VTCN1: variants seen among roughly 807,000 people sequenced by gnomAD.
The protein encoded by VTCN1 is V-set domain containing T cell activation inhibitor 1.
In VTCN1, 26 loss-of-function variants were observed where a neutral mutation model predicts 26.5. The ratio of observed to expected loss-of-function variants is 0.98; its 90% CI spans 0.72 to 1.36. The LOEUF (loss-of-function observed/expected upper bound fraction) is 1.36. Among genes scored for constraint, VTCN1 ranks in the 40% most tolerant of loss-of-function variants. VTCN1 has a pLI of 0.00. For synonymous variants in VTCN1, 116 were observed against 130.7 expected (o/e 0.89, Z 0.77); for missense variants, 298 against 337.7 (o/e 0.88, Z 0.92).
In VTCN1 at chr1:117,183,371, AATAAAT is replaced by A. The variant is rs1331174669; in HGVS notation, c.33-13206_33-13201del. Among the ~76,000 whole-genome samples, 1 of 152,238 alleles carries A rather than the reference AATAAAT, an allele frequency of 6.6e-6. No homozygotes were observed. The highest frequency in any genetic ancestry group is 6.5e-5 in the Admixed American group (1 of 15,282). On this transcript the variant is annotated intron_variant, in intron 1 of 5. Coordinates refer to ENST00000369458, the MANE Select transcript of VTCN1 (RefSeq NM_024626.4). The surrounding 1 kb of genome is among the most constrained non-coding windows in gnomAD (Gnocchi z 4.1). Reference sequence around the variant, plus strand: ...TTAAAATATGTTGAATTAATGAATAAATAAATATCCATGCTGTGCTACTGAGAGAAA... The same window carrying A: ...TTAAAATATGTTGAATTAATGAATAAATCCATGCTGTGCTACTGAGAGAAA...
chr1:117,206,955 C>T (rs1649102440), intron 1 of VTCN1, among the ~76,000 whole-genome samples: 1 of 152,274 alleles, frequency 6.6e-6, no homozygotes, highest in East Asian at 1.9e-4. Flanking sequence ...TCTGAAGGCT[C>T]AGATTTTATA....
intron 1 of VTCN1, among the ~76,000 whole-genome samples, chr1:117,180,299 T>C (rs567386920): frequency 6.6e-6 from 1 of 152,304 alleles, no homozygotes; most frequent in Admixed American, 6.5e-5. Flanking sequence ...ATCACCCTGA[T>C]TGCCATAAGC....
intron 1 of VTCN1, among the ~76,000 whole-genome samples, chr1:117,176,375 G>T (rs1647353841): frequency 2.0e-5 from 3 of 152,164 alleles, no homozygotes; most frequent in South Asian, 4.1e-4. Flanking sequence ...GTGGCAGGAG[G>T]CCTCATGTTT....
intron 1 of VTCN1, among the ~76,000 whole-genome samples, chr1:117,186,482 A>G (rs1647952298): frequency 6.6e-6 from 1 of 152,190 alleles, no homozygotes; most frequent in Non-Finnish European, 1.5e-5. Flanking sequence ...TTAGAGAAGC[A>G]AGTTCATTCT....
At position 117,159,721 on chromosome 1, in the gene VTCN1, G is replaced by C. The variant is rs900738409; in HGVS notation, c.98-2800C>G. ...ATGTGGCCTAGTCATTCTGAAAAAT[G>C]CTGAATTCTAAAGTGCTGTAACTTT... On this transcript the variant is annotated intron_variant, in intron 2 of 5. Transcript: ENST00000369458. The surrounding 1 kb of genome is among the most constrained non-coding windows in gnomAD (Gnocchi z 4.7). 6.6e-6 allele frequency among the ~76,000 whole-genome samples: 1 copy of C among 152,226 alleles called. No homozygotes were observed.
At chr1:117,205,144 T>TTATATA (rs144891643) in intron 1 of VTCN1, among the ~76,000 whole-genome samples, 3,308 of 134,570 alleles carry the variant, frequency 0.025, 52 homozygotes, top group Non-Finnish European at 0.029. Context: ...ATATATATTT[T>TTATATA]TATATATATA....
intron 1 of VTCN1, among the ~76,000 whole-genome samples, chr1:117,205,829 G>A (rs909105607): frequency 6.6e-6 from 1 of 152,144 alleles, no homozygotes; most frequent in African/African-American, 2.4e-5. Flanking sequence ...GAGATGATTA[G>A]GACTATGAGA....
chr1:117,207,722 A>G (rs913974761), intron 1 of VTCN1, among the ~76,000 whole-genome samples: 3 of 151,702 alleles, frequency 2.0e-5, no homozygotes, highest in Non-Finnish European at 2.9e-5. Context: ...CTTGTCCCCA[A>G]CTCACTGCAC....
rs1191811904 is a variant in VTCN1 at position 117,146,357 on chromosome 1, T to TA, written c.*46-1133dup. On this transcript the variant is annotated intron_variant, in intron 5 of 5. Transcript: ENST00000369458. The surrounding 1 kb of genome is among the most constrained non-coding windows in gnomAD (Gnocchi z 4.2). ...AAAGAATCTCCTTTGTTCACTGCAC[T>TA]ATAGTGAAATCTTGGAGAACAAGAG... is the stretch of plus-strand genomic sequence containing the variant. Among the ~76,000 whole-genome samples the TA allele has an allele frequency of 5.3e-5, 8 of 152,170 alleles. No homozygotes were observed. The highest frequency in any genetic ancestry group is 8.8e-5 in the Non-Finnish European group (6 of 68,042).
intron 4 of VTCN1, among the ~76,000 whole-genome samples, chr1:117,149,293 G>GGTTT (rs1553206855): frequency 7.1e-6 from 1 of 141,530 alleles, no homozygotes; most frequent in African/African-American, 2.5e-5. Context: ...TTTGGGGTGG[G>GGTTT]TTTTTTTTTT....
intron 1 of VTCN1, among the ~76,000 whole-genome samples, chr1:117,188,456 T>G (rs2101573010): frequency 6.6e-6 from 1 of 152,338 alleles, no homozygotes; most frequent in Admixed American, 6.5e-5. Flanking sequence ...ATCAGGCAAT[T>G]GAAGGTGAAA....
chr1:117,148,955 A>C (rs933168476), intron 4 of VTCN1, among the ~76,000 whole-genome samples: 1 of 152,210 alleles, frequency 6.6e-6, no homozygotes, highest in African/African-American at 2.4e-5. Flanking sequence ...GCTTCCTGAG[A>C]GTTAGCAAAA....
At position 117,175,387 on chromosome 1, in the gene VTCN1, T is replaced by C. The variant is rs1465148728; in HGVS notation, c.33-5216A>G. 1.3e-5 allele frequency among the ~76,000 whole-genome samples: 2 copies of C among 152,188 alleles called. No homozygotes were observed. The highest frequency in any genetic ancestry group is 2.1e-4 in the South Asian group (1 of 4,826). On this transcript the variant is annotated intron_variant, in intron 1 of 5. Transcript: ENST00000369458. This position sits in a 1 kb window ranked among gnomAD's most constrained non-coding sequence, Gnocchi z 4.2. Reference sequence around the variant, plus strand: ...AATAAACACTCCCGCTGCTGGGTGCTGTGAGCCGGCGTGGTCGCTGTGAAG... The same window carrying C: ...AATAAACACTCCCGCTGCTGGGTGCCGTGAGCCGGCGTGGTCGCTGTGAAG...
intron 1 of VTCN1, among the ~76,000 whole-genome samples, chr1:117,204,336 G>A (rs985165765): frequency 2.0e-5 from 3 of 152,192 alleles, no homozygotes; most frequent in African/African-American, 4.8e-5. Context: ...AAGACACAGA[G>A]AGATTAAGTA....
At chr1:117,171,198 G>A (rs1307416522) in intron 1 of VTCN1, among the ~76,000 whole-genome samples, 1 of 152,072 alleles carries the variant, frequency 6.6e-6, no homozygotes, top group Non-Finnish European at 1.5e-5. Context: ...CTTTTTTATG[G>A]CTGCATAGTA....
chr1:117,210,865 A>G lies in VTCN1; in HGVS notation c.-10T>C, dbSNP rs1479484158. 1 of 1,614,126 alleles carries G rather than the reference A, an allele frequency of 6.2e-7. No individual in the cohort carries two copies. The highest frequency in any genetic ancestry group is 1.1e-5 in the South Asian group (1 of 91,084). On this transcript the variant is annotated 5_prime_UTR_variant, in exon 1 of 6. Transcript: ENST00000369458. The stretch of plus-strand genomic sequence containing the variant: ...GCCCCAGGGAAGCCATGGCTGGGGA[A>G]GGTTCCCAGCGTATCTGGGTACTGG...
chr1:117,202,334 G>T (rs1329193815), intron 1 of VTCN1, among the ~76,000 whole-genome samples: 1 of 152,156 alleles, frequency 6.6e-6, no homozygotes, highest in African/African-American at 2.4e-5. Context: ...GAGAAACGGA[G>T]GCTGAGAGAC....
intron 1 of VTCN1, among the ~76,000 whole-genome samples, chr1:117,188,727 C>G (rs941265397): frequency 6.6e-6 from 1 of 152,156 alleles, no homozygotes; most frequent in African/African-American, 2.4e-5. Flanking sequence ...CACAGCCCAG[C>G]TGCATGGCAG....
chr1:117,170,038 A>T (rs762838867), intron 2 of VTCN1, 69 bp downstream of exon 2: 1 of 1,431,202 alleles, frequency 7.0e-7, no homozygotes, highest in Non-Finnish European at 9.9e-7. Flanking sequence ...TTCCATGCTA[A>T]CGCACTGAGT....
Sources: allele counts gnomAD v4.1 joint callset (sites outside exome capture counted in the v4.1 genomes callset), GRCh38; gene constraint gnomAD v4.1.1; non-coding constraint Gnocchi (gnomAD v3.1); transcripts MANE v1.5; gene names NCBI Gene and HGNC (gene_info 2026-07-23, HGNC 2026-07-21).